LYRM4: variants seen among roughly 807,000 people sequenced by gnomAD.
LYRM4 encodes the protein LYR motif-containing protein 4.
In LYRM4, 9 loss-of-function variants were observed where a neutral mutation model predicts 11.7. That is an observed-to-expected ratio of 0.77 (90% CI 0.46 to 1.34). The LOEUF (loss-of-function observed/expected upper bound fraction) is 1.34. LYRM4 is among the 40% of genes most tolerant of loss of function. The probability of loss-of-function intolerance (pLI) is 0.00; values close to 1 mark genes in which losing one functional copy is unlikely to be tolerated. For synonymous variants in LYRM4, 42 were observed against 40.4 expected (o/e 1.04, Z -0.15); for missense variants, 133 against 112.5 (o/e 1.18, Z -0.82).
At chr6:5,138,596 C>T in intron 2 of LYRM4, 1 of 528,980 alleles carries the variant, frequency 1.9e-6, no homozygotes, top group Non-Finnish European at 2.9e-6. Context: ...GAATGATTTC[C>T]AGACTAAGTC....
chr6:5,125,281 G>A (rs1477680269), intron 2 of LYRM4, among the ~76,000 whole-genome samples: 1 of 152,158 alleles, frequency 6.6e-6, no homozygotes. Flanking sequence ...CCCTGGCTGG[G>A]TGCCAGGCCC....
intron 2 of LYRM4, among the ~76,000 whole-genome samples, chr6:5,109,999 ACCT>A (rs774087607): frequency 6.6e-6 from 1 of 152,088 alleles, no homozygotes; most frequent in Non-Finnish European, 1.5e-5. Flanking sequence ...GAGTGCCTGC[ACCT>A]CCTGCCTTCT....
the LYRM4 span, among the ~76,000 whole-genome samples, chr6:5,077,400 G>C: frequency 6.6e-6 from 1 of 152,326 alleles, no homozygotes; most frequent in East Asian, 1.9e-4. Flanking sequence ...CCCAGAAGCT[G>C]AAAGACGCTG....
At chr6:5,252,447 A>G (rs1351361119) in intron 1 of LYRM4, among the ~76,000 whole-genome samples, 1 of 152,140 alleles carries the variant, frequency 6.6e-6, no homozygotes, top group African/African-American at 2.4e-5. Context: ...CCAACACTTC[A>G]GCCACAATTA....
At chr6:5,084,598 G>C in the LYRM4 span, 2 of 152,048 alleles carry the variant, frequency 1.3e-5, no homozygotes, top group Non-Finnish European at 2.9e-5. Flanking sequence ...GGCCGCTCTC[G>C]GCTGCGGGCC....
At chr6:5,189,746 C>T (rs1207751602) in intron 2 of LYRM4, among the ~76,000 whole-genome samples, 2 of 152,170 alleles carry the variant, frequency 1.3e-5, no homozygotes, top group Non-Finnish European at 2.9e-5. Context: ...AAAAGTAAAA[C>T]ACACAAAGGT....
intron 1 of LYRM4, among the ~76,000 whole-genome samples, chr6:5,226,667 G>A (rs371071746): frequency 7.2e-5 from 11 of 152,164 alleles, no homozygotes; most frequent in African/African-American, 1.9e-4. Context: ...GTGAGCCACC[G>A]CGCCTGGCCC....
At chr6:5,260,598 T>TGCCCCGGGCCCGGGG in intron 1 of LYRM4, 50 bp downstream of exon 1, 2 of 1,105,568 alleles carry the variant, frequency 1.8e-6, no homozygotes, top group Non-Finnish European at 2.6e-6. Context: ...GCACCCCCGG[T>TGCCCCGGGCCCGGGG]CCCCGGCCCC....
chr6:5,252,053 A>G (rs1036993623), intron 1 of LYRM4, among the ~76,000 whole-genome samples: 3 of 152,240 alleles, frequency 2.0e-5, no homozygotes, highest in East Asian at 1.9e-4. Context: ...TGTAGTACAT[A>G]GTAAGCGAGA....
intron 2 of LYRM4, among the ~76,000 whole-genome samples, chr6:5,140,662 T>C (rs1269299400): frequency 6.6e-6 from 1 of 152,240 alleles, no homozygotes; most frequent in African/African-American, 2.4e-5. Context: ...TGATCTGCAC[T>C]TGGGAACATG....
At chr6:5,119,813 A>C (rs1025960969) in intron 2 of LYRM4, among the ~76,000 whole-genome samples, 3 of 151,476 alleles carry the variant, frequency 2.0e-5, no homozygotes, top group South Asian at 4.2e-4. Context: ...AAAAAAAAAA[A>C]AAAAAAACAA....
chr6:5,202,435 A>G (rs1044004605), intron 2 of LYRM4, among the ~76,000 whole-genome samples: 2 of 152,178 alleles, frequency 1.3e-5, no homozygotes, highest in Non-Finnish European at 2.9e-5. Flanking sequence ...TGATTTCCCA[A>G]TGTCCAACCT....
chr6:5,129,450 C>T (rs1485698162), intron 2 of LYRM4, among the ~76,000 whole-genome samples: 1 of 152,134 alleles, frequency 6.6e-6, no homozygotes, highest in South Asian at 2.1e-4. Context: ...TGGCCTCCTG[C>T]GTTGCTTAGC....
At chr6:5,087,651 C>G in the LYRM4 span, 1 of 152,328 alleles carries the variant, frequency 6.6e-6, no homozygotes, top group Non-Finnish European at 1.5e-5. Flanking sequence ...CTGTTCCTCT[C>G]AGAGCCACAG....
chr6:5,083,580 G>C, the LYRM4 span, among the ~76,000 whole-genome samples: 2 of 152,314 alleles, frequency 1.3e-5, no homozygotes, highest in Middle Eastern at 3.4e-3. Flanking sequence ...CCACCCTGTG[G>C]GGCCTTGGCG....
intron 2 of LYRM4, among the ~76,000 whole-genome samples, chr6:5,214,953 C>T (rs1011701403): frequency 1.3e-5 from 2 of 152,054 alleles, no homozygotes; most frequent in Admixed American, 6.6e-5. Context: ...CTGGGGAGGG[C>T]GCCCTTGCCC....
intron 2 of LYRM4, among the ~76,000 whole-genome samples, chr6:5,202,748 T>G (rs899627345): frequency 5.9e-5 from 9 of 152,230 alleles, no homozygotes; most frequent in Admixed American, 3.3e-4. Flanking sequence ...CAGCTCTAAT[T>G]ATTGTTCCAG....
chr6:5,090,898 G>A, the LYRM4 span, among the ~76,000 whole-genome samples: 4 of 152,188 alleles, frequency 2.6e-5, no homozygotes, highest in Admixed American at 2.0e-4. The surrounding 1 kb of genome is among the most constrained non-coding windows in gnomAD (Gnocchi z 4.8). Flanking sequence ...TTGGAGCACT[G>A]TGGCTTGGAG....
the LYRM4 span, among the ~76,000 whole-genome samples, chr6:5,072,732 A>C: frequency 1.3e-5 from 2 of 152,258 alleles, no homozygotes; most frequent in Admixed American, 6.5e-5. Context: ...GTTTTAAACA[A>C]AGGTAAGACC....
Sources: gnomAD v4.1 joint callset for allele counts (sites outside exome capture counted in the v4.1 genomes callset) on GRCh38, gnomAD v4.1.1 for gene constraint, Gnocchi (gnomAD v3.1) non-coding constraint, MANE v1.5 for transcripts, NCBI Gene and HGNC (gene_info 2026-07-23, HGNC 2026-07-21) for gene names.